CD84: variants seen among roughly 807,000 people sequenced by gnomAD.
CD84 encodes the protein CD84 molecule, also known as SLAM family member 5.
CD84 carries 22 observed loss-of-function variants against 33.8 expected under a neutral mutation model. The observed-to-expected ratio is 0.65, with a 90% CI of 0.46 to 0.93. CD84 has a LOEUF of 0.93. Among genes scored for constraint, CD84 ranks in the 40% least tolerant of loss-of-function variants. CD84 has a pLI of 0.00. For missense variants in CD84, 400 were observed against 397.6 expected (o/e 1.01, Z -0.05); for synonymous variants, 154 against 145.2 (o/e 1.06, Z -0.44).
intron 4 of CD84, among the ~76,000 whole-genome samples, chr1:160,552,337 C>T (rs1656288043): frequency 6.6e-6 from 1 of 152,160 alleles, no homozygotes; most frequent in Non-Finnish European, 1.5e-5. Flanking sequence ...GTATGGCACA[C>T]GTCACAAATC....
At chr1:160,566,084 T>C (rs1051745602) in intron 1 of CD84, among the ~76,000 whole-genome samples, 6 of 152,188 alleles carry the variant, frequency 3.9e-5, no homozygotes, top group African/African-American at 1.4e-4. Flanking sequence ...TAGGTGCACT[T>C]CTTTCCCAAG....
At position 160,553,447 on chromosome 1, in the gene CD84, C is replaced by T. The variant is rs775871892; in HGVS notation, c.691G>A (p.Ala231Thr). Residue 231 changes from alanine (A) to threonine (T), a missense_variant, in exon 4 of 7, where the codon GCT becomes ACT. By Grantham distance (58) the Ala-to-Thr change is moderately conservative (BLOSUM62 0). Transcript: ENST00000368054. ...THHTGLLSVL[A>T]MFFLLVLILS... is the part of the protein sequence containing the mutation. ...ATGAGAACAAGCAGAAAGAACATAG[C>T]CAGCACGCTCAGCAACCCGGTGTGG... 6.2e-7 allele frequency: 1 copy of T among 1,614,074 alleles called. No individual in the cohort carries two copies. Among genetic ancestry groups the T allele is most frequent in the Middle Eastern group, 1.6e-4 (1 of 6,062 alleles).
At chr1:160,551,956 G>C (rs1483304692) in intron 4 of CD84, among the ~76,000 whole-genome samples, 1 of 152,188 alleles carries the variant, frequency 6.6e-6, no homozygotes, top group Non-Finnish European at 1.5e-5. Context: ...GAATGTATAG[G>C]CTAGAAGAGA....
chr1:160,571,816 G>A lies in CD84; in HGVS notation c.47-6071C>T, dbSNP rs138317282. On this transcript the variant is annotated intron_variant, in intron 1 of 6. Transcript: ENST00000368054. The stretch of plus-strand genomic sequence containing the variant: ...CATTGTGTGGTGGTCATCAATCTGC[G>A]TGTCTGTGTTCTGGACACTGTGAAT... 1.1e-4 allele frequency among the ~76,000 whole-genome samples: 17 copies of A among 152,190 alleles called. No homozygotes were observed. In the East Asian group the frequency reaches 1.2e-3, roughly 10 times the overall value.
In CD84 at chr1:160,543,233, C is replaced by T. The variant is rs1268981466; in HGVS notation, c.*5023G>A. 6.6e-6 allele frequency: 1 copy of T among 152,086 alleles called. No individual in the cohort carries two copies. The highest frequency in any genetic ancestry group is 1.5e-5 in the Non-Finnish European group (1 of 68,022). The allele number at this position is 152,086 out of a possible 1,614,324, so 9.4% of individuals were successfully genotyped here. A position where few individuals can be genotyped will look rare whatever the true frequency, so the allele number is the denominator to read the frequency against. On this transcript the variant is annotated 3_prime_UTR_variant, in exon 7 of 7. Coordinates refer to ENST00000368054, the MANE Select transcript of CD84 (RefSeq NM_003874.4). ...TAAAATATTACTATATGCAAATATT[C>T]ATTTAGTAGATATTTGTGGTCCACC...
chr1:160,564,180 C>T (rs1000475171), intron 2 of CD84, among the ~76,000 whole-genome samples: 1 of 152,100 alleles, frequency 6.6e-6, no homozygotes, highest in African/African-American at 2.4e-5. Context: ...TAATATTTTA[C>T]CTTTCAAAAG....
Position 160,548,190 on chromosome 1 carries a change from T to A in CD84, c.*66A>T. On this transcript the variant is annotated 3_prime_UTR_variant, in exon 7 of 7. Coordinates refer to ENST00000368054, the MANE Select transcript of CD84 (RefSeq NM_003874.4). ...AAGAGTTGGGCAGAGAAGATCTGGA[T>A]CCAGGGAACCTGCCAGTATTGGTGG... The A allele has an allele frequency of 4.5e-6, 7 of 1,540,206 alleles. No homozygotes were observed. Among genetic ancestry groups the A allele is most frequent in the Non-Finnish European group, 6.3e-6 (7 of 1,113,934 alleles).
chr1:160,567,270 G>A (rs1379404410), intron 1 of CD84, among the ~76,000 whole-genome samples: 1 of 152,154 alleles, frequency 6.6e-6, no homozygotes, highest in Non-Finnish European at 1.5e-5. Context: ...CACAAAAAAA[G>A]CGATTTCTTA....
At chr1:160,550,486 A>T (rs1656135105) in intron 5 of CD84, 1 of 319,920 alleles carries the variant, frequency 3.1e-6, no homozygotes, top group Non-Finnish European at 4.5e-6. Flanking sequence ...TCTGAGTCTG[A>T]GGAAAGCAAG....
In CD84 at chr1:160,565,528, T is replaced by A; in HGVS notation, c.264A>T (p.Leu88Phe). 1 of 1,614,040 alleles carries A rather than the reference T, an allele frequency of 6.2e-7. No homozygotes were observed. Residue 88 changes from leucine (L) to phenylalanine (F), a missense_variant, in exon 2 of 7, where the codon TTA becomes TTT. Transcript: ENST00000368054. ...TAATGACCAGATTGTAGTTCGGACC[T>A]AAGGCATGTATCCGTTCATAATAAT... Reference protein sequence around the residue: ...HRNYYERIHALGPNYNLVISD... With the variant: ...HRNYYERIHAFGPNYNLVISD...
rs970670436 is a variant in CD84, at chr1:160,544,017, C to G, written c.*4239G>C. 6.6e-6 allele frequency: 1 copy of G among 152,018 alleles called. No individual in the cohort carries two copies. The highest frequency in any genetic ancestry group is 2.4e-5 in the African/African-American group (1 of 41,386). The allele number at this position is 152,018 out of a possible 1,614,324, so 9.4% of individuals were successfully genotyped here. ...TACAGATGGACAACCTGAGGTACAG[C>G]GAGGTTAAAGTAACTTGCCTAAGGT... On this transcript the variant is annotated 3_prime_UTR_variant, in exon 7 of 7. Coordinates refer to ENST00000368054, the MANE Select transcript of CD84 (RefSeq NM_003874.4).
At chr1:160,553,645 T>C in intron 3 of CD84, 148 bp from the exon 4 acceptor site, 1 of 1,049,254 alleles carries the variant, frequency 9.5e-7, no homozygotes, top group Non-Finnish European at 1.4e-6. Flanking sequence ...TTTCTGCTAT[T>C]AAAAGCCAGG....
chr1:160,567,662 C>T (rs872405), intron 1 of CD84, among the ~76,000 whole-genome samples: 7,586 of 152,150 alleles, frequency 0.05, 646 homozygotes, highest in African/African-American at 0.17. Flanking sequence ...CAATACAACA[C>T]GATGAGTGCT....
intron 2 of CD84, among the ~76,000 whole-genome samples, chr1:160,563,891 G>C (rs1373601674): frequency 6.6e-6 from 1 of 152,122 alleles, no homozygotes; most frequent in Non-Finnish European, 1.5e-5. Flanking sequence ...AGCTGCATGT[G>C]TCTAGAGGCT....
chr1:160,548,062 G>A lies in CD84; in HGVS notation c.*194C>T, dbSNP rs539651361. 8.3e-6 allele frequency: 5 copies of A among 603,320 alleles called. No homozygotes were observed. In the African/African-American group the frequency reaches 9.3e-5, roughly 11 times the overall value. 37.4% of individuals were successfully genotyped at this position (603,320 alleles called of 1,614,324 possible). On this transcript the variant is annotated 3_prime_UTR_variant, in exon 7 of 7. Coordinates refer to ENST00000368054, the MANE Select transcript of CD84 (RefSeq NM_003874.4). ...TTCATTCAGAAGGGAGTCATTTCAG[G>A]AAGGGTATGCATCCATTTGTCCATT...
intron 4 of CD84, chr1:160,552,724 G>A: frequency 1.3e-6 from 2 of 1,548,250 alleles, no homozygotes; most frequent in South Asian, 1.2e-5. Context: ...TAGTGAAGGT[G>A]TTCAAGCAGG....
At chr1:160,562,272 G>A (rs1488394421) in intron 2 of CD84, among the ~76,000 whole-genome samples, 2 of 152,042 alleles carry the variant, frequency 1.3e-5, no homozygotes, top group East Asian at 3.9e-4. Flanking sequence ...AGCCAAGACA[G>A]TCCTAAGCAA....
At chr1:160,564,462 T>C (rs1657189191) in intron 2 of CD84, among the ~76,000 whole-genome samples, 2 of 152,208 alleles carry the variant, frequency 1.3e-5, no homozygotes, top group African/African-American at 4.8e-5. Context: ...TGTGTACACA[T>C]ATATTCACAG....
At chr1:160,560,186 T>A (rs1656859686) in intron 2 of CD84, among the ~76,000 whole-genome samples, 1 of 152,186 alleles carries the variant, frequency 6.6e-6, no homozygotes, top group Non-Finnish European at 1.5e-5. Flanking sequence ...TTCCACAGAA[T>A]ATATATTCTT....
Sources: allele counts gnomAD v4.1 joint callset (sites outside exome capture counted in the v4.1 genomes callset), GRCh38; gene constraint gnomAD v4.1.1; transcripts MANE v1.5; gene names NCBI Gene and HGNC (gene_info 2026-07-23, HGNC 2026-07-21).